The following MTUS2 variants were observed in gnomAD, a reference collection of about 807,000 sequenced individuals.
The protein encoded by MTUS2 is microtubule-associated tumor suppressor candidate 2.
In MTUS2, 40 loss-of-function variants were observed where a neutral mutation model predicts 114.1. That is an observed-to-expected ratio of 0.35 (90% confidence interval 0.27 to 0.46). The LOEUF is 0.46. MTUS2 is among the 20% of genes least tolerant of loss of function. MTUS2 has a pLI of 1.00. For synonymous variants in MTUS2, 688 were observed against 672.0 expected, an observed-to-expected ratio of 1.02 and a Z score of -0.37; for missense variants, 1,679 against 1,705.4, an observed-to-expected ratio of 0.98 and a Z score of 0.27.
At chr13:29,108,319 G>A (rs1238679227) in intron 5 of MTUS2, among the ~76,000 whole-genome samples, 2 of 152,190 alleles carry the variant, frequency 1.3e-5, no homozygotes, top group African/African-American at 4.8e-5. Flanking sequence ...GAAGCACTCA[G>A]ACAATGATGA....
chr13:28,888,775 C>T lies in MTUS2; in HGVS notation c.-243+48925C>T, dbSNP rs145555536. Among the ~76,000 whole-genome samples, 10 of 151,938 alleles carry T rather than the reference C, an allele frequency of 6.6e-5. 1 individual carries two copies. In the East Asian group the frequency reaches 1.7e-3, roughly 26 times the overall value. ...GTTGATTATTATTCTGCCTGCAAAC[C>T]CCATATTGATCTTGTAAAATCTGAA... On this transcript the variant is annotated intron_variant, in intron 2 of 15. Coordinates refer to ENST00000612955, the MANE Select transcript of MTUS2 (RefSeq NM_001033602.4).
intron 7 of MTUS2, among the ~76,000 whole-genome samples, chr13:29,334,906 C>T (rs1900975043): frequency 6.6e-6 from 1 of 152,174 alleles, no homozygotes. Context: ...ATCCTGTCAT[C>T]TTCGTAAGCT....
At position 28,910,855 on chromosome 13, in the gene MTUS2, CTTTTTTTTTTTTTTTTTTTTTTTTTTT is replaced by C. The variant is rs555935861; in HGVS notation, c.-243+71017_-243+71043del. On this transcript the variant is annotated intron_variant, in intron 2 of 15. Coordinates refer to ENST00000612955, the MANE Select transcript of MTUS2 (RefSeq NM_001033602.4). ...CTGCAATGAACACACATATACATGG[CTTTTTTTTTTTTTTTTTTTTTTTTTTT>C]TTTTTTTTTTTGAGATGGAGTCTTG... Among the ~76,000 whole-genome samples, 8 of 58,006 alleles carry C rather than the reference CTTTTTTTTTTTTTTTTTTTTTTTTTTT, an allele frequency of 1.4e-4. No individual in the cohort carries two copies. In the Admixed American group the frequency reaches 2.3e-3, roughly 17 times the overall value. 38.1% of individuals were successfully genotyped at this position (58,006 alleles called of 152,430 possible).
At chr13:29,418,464 A>G (rs1015930505) in intron 8 of MTUS2, among the ~76,000 whole-genome samples, 5 of 152,206 alleles carry the variant, frequency 3.3e-5, no homozygotes, top group African/African-American at 1.2e-4. Flanking sequence ...CATACAGATC[A>G]AGTAAGAATT....
At chr13:28,897,186 G>T (rs534348433) in intron 2 of MTUS2, among the ~76,000 whole-genome samples, 1 of 152,108 alleles carries the variant, frequency 6.6e-6, no homozygotes, top group Non-Finnish European at 1.5e-5. Flanking sequence ...AATCTACAAT[G>T]AACTCAAACA....
chr13:28,850,993 AG>A (rs1397829858), intron 2 of MTUS2, among the ~76,000 whole-genome samples: 2 of 152,088 alleles, frequency 1.3e-5, no homozygotes, highest in East Asian at 3.8e-4. Flanking sequence ...GCCAGAAGGG[AG>A]GGGAATATCG....
intron 5 of MTUS2, among the ~76,000 whole-genome samples, chr13:29,155,805 T>TACA: frequency 6.6e-6 from 1 of 152,260 alleles, no homozygotes; most frequent in Non-Finnish European, 1.5e-5. Flanking sequence ...CTAGATTATA[T>TACA]ACATGTACAT....
intron 5 of MTUS2, among the ~76,000 whole-genome samples, chr13:29,188,952 A>G (rs1055664349): frequency 2.0e-5 from 3 of 152,158 alleles, no homozygotes; most frequent in Admixed American, 1.3e-4. Flanking sequence ...GACCCCCTAC[A>G]CAGGTACCAT....
Position 29,504,157 on chromosome 13 carries a change from G to A in MTUS2, c.*951G>A, listed in dbSNP as rs1320129286. The A allele has an allele frequency of 1.3e-5, 3 of 231,918 alleles. No individual in the cohort carries two copies. Among genetic ancestry groups the A allele is most frequent in the Non-Finnish European group, 2.6e-5 (3 of 117,280 alleles). 14.4% of individuals were successfully genotyped at this position (231,918 alleles called of 1,614,324 possible). On this transcript the variant is annotated 3_prime_UTR_variant, in exon 16 of 16. Transcript: ENST00000612955. ...CTTGCAGATGACTGTGCCCATTCGC[G>A]CTCCATCCTCATGAAGGAAATTGCT...
At chr13:29,322,966 A>G (rs1164570603) in intron 6 of MTUS2, among the ~76,000 whole-genome samples, 1 of 152,198 alleles carries the variant, frequency 6.6e-6, no homozygotes, top group Non-Finnish European at 1.5e-5. Context: ...CAGTGTCAGT[A>G]GGGCATGGGG....
Position 29,440,059 on chromosome 13 carries a change from G to C in MTUS2, c.3184+10G>C, listed in dbSNP as rs1401811072. 12 of 1,574,756 alleles carry C rather than the reference G, an allele frequency of 7.6e-6. No individual in the cohort carries two copies. Among genetic ancestry groups the C allele is most frequent in the Non-Finnish European group, 9.5e-6 (11 of 1,157,936 alleles). The stretch of plus-strand genomic sequence containing the variant: ...ATCAGGGATGAAGTTGGTAAGTAGG[G>C]CATTGACAATGAGGAGCATAAAGAA... On this transcript the variant is annotated intron_variant, in intron 9 of 15. Transcript: ENST00000612955.
intron 2 of MTUS2, among the ~76,000 whole-genome samples, chr13:28,882,901 C>T (rs569179651): frequency 4.6e-5 from 7 of 152,214 alleles, no homozygotes; most frequent in Admixed American, 2.0e-4. Context: ...GTAATCCATA[C>T]GTCCAAAAAT....
At chr13:28,967,271 C>T (rs1353723197) in intron 2 of MTUS2, among the ~76,000 whole-genome samples, 1 of 152,092 alleles carries the variant, frequency 6.6e-6, no homozygotes, top group Non-Finnish European at 1.5e-5. Context: ...TATTAATATT[C>T]CTTGTGCACC....
At chr13:29,390,671 A>C (rs1374352755) in intron 8 of MTUS2, among the ~76,000 whole-genome samples, 2 of 150,848 alleles carry the variant, frequency 1.3e-5, no homozygotes, top group Non-Finnish European at 2.9e-5. Flanking sequence ...AAAAAGAAAG[A>C]AAGAAAATAT....
chr13:28,906,358 T>G lies in MTUS2; in HGVS notation c.-243+66508T>G, dbSNP rs900522441. Among the ~76,000 whole-genome samples, 6 of 151,284 alleles carry G rather than the reference T, an allele frequency of 4.0e-5. 1 individual carries two copies. Among genetic ancestry groups the G allele is most frequent in the African/African-American group, 1.2e-4 (5 of 40,982 alleles). ...TTAATTGTGATGTTAGGGTGTCAAT[T>G]TTGGATCTTTCCTGCTTTCTCTTGT... On this transcript the variant is annotated intron_variant, in intron 2 of 15. Transcript: ENST00000612955.
intron 15 of MTUS2, among the ~76,000 whole-genome samples, chr13:29,501,919 TCATA>T (rs1375622943): frequency 3.3e-5 from 5 of 152,146 alleles, no homozygotes; most frequent in South Asian, 4.1e-4. Flanking sequence ...ACTCATATAC[TCATA>T]CAATCCCTCA....
At chr13:29,438,184 G>A (rs763902570) in intron 8 of MTUS2, among the ~76,000 whole-genome samples, 6 of 152,134 alleles carry the variant, frequency 3.9e-5, no homozygotes, top group Non-Finnish European at 8.8e-5. Flanking sequence ...TAGCATTAGA[G>A]TAGGAATATT....
chr13:28,938,796 G>A (rs1882065583), intron 2 of MTUS2, among the ~76,000 whole-genome samples: 1 of 151,990 alleles, frequency 6.6e-6, no homozygotes, highest in African/African-American at 2.4e-5. Flanking sequence ...TAAGTGCTTC[G>A]GGCGTACTGA....
intron 4 of MTUS2, among the ~76,000 whole-genome samples, chr13:29,095,592 A>T (rs185683428): frequency 7.2e-5 from 11 of 151,990 alleles, no homozygotes; most frequent in Admixed American, 6.5e-4. Flanking sequence ...CTTCTGAAAC[A>T]TCCATTCTCT....
Sources: gnomAD v4.1 joint callset for allele counts (sites outside exome capture counted in the v4.1 genomes callset) on GRCh38, gnomAD v4.1.1 for gene constraint, MANE v1.5 for transcripts, NCBI Gene and HGNC (gene_info 2026-07-23, HGNC 2026-07-21) for gene names.